DOCK3: variants seen among roughly 807,000 people sequenced by gnomAD.
The protein encoded by DOCK3 is dedicator of cytokinesis protein 3.
DOCK3 carries 60 observed loss-of-function variants against 265.6 expected under a neutral mutation model. The observed-to-expected ratio is 0.23, with a 90% CI of 0.18 to 0.28. The LOEUF (loss-of-function observed/expected upper bound fraction) is 0.28, where lower values mean the gene tolerates loss of function less well. Ranked by LOEUF, DOCK3 falls within the 10% of genes least tolerant of loss-of-function variation. The pLI is 1.00. For missense variants in DOCK3, 1,981 were observed against 2,594.3 expected (o/e 0.76, Z 5.14); for synonymous variants, 881 against 938.0 (o/e 0.94, Z 1.11).
At chr3:51,193,801 CTTTTT>C (rs36051516) in intron 12 of DOCK3, among the ~76,000 whole-genome samples, 1 of 126,678 alleles carries the variant, frequency 7.9e-6, no homozygotes, top group Admixed American at 8.0e-5. Context: ...GGGCTTCTCT[CTTTTT>C]TTTTTTTTTT....
intron 14 of DOCK3, among the ~76,000 whole-genome samples, chr3:51,215,638 T>C (rs1283865008): frequency 1.3e-5 from 2 of 152,220 alleles, no homozygotes; most frequent in Non-Finnish European, 2.9e-5. Context: ...AAGGCCTATG[T>C]GGTGGGTTCC....
intron 13 of DOCK3, among the ~76,000 whole-genome samples, chr3:51,213,002 C>T (rs559775486): frequency 6.6e-6 from 1 of 152,152 alleles, no homozygotes; most frequent in East Asian, 1.9e-4. Context: ...TACTGACATA[C>T]TTTTCTTGCC....
chr3:51,098,861 T>C (rs1576069332), intron 9 of DOCK3, among the ~76,000 whole-genome samples: 2 of 152,336 alleles, frequency 1.3e-5, no homozygotes, highest in Middle Eastern at 6.8e-3. Context: ...TTTTCTACCC[T>C]GCTCTCTGGT....
At chr3:51,144,446 C>A (rs534504561) in intron 9 of DOCK3, among the ~76,000 whole-genome samples, 1 of 152,280 alleles carries the variant, frequency 6.6e-6, no homozygotes, top group South Asian at 2.1e-4. Context: ...CTTCACTTGA[C>A]CAGTGCAACA....
At chr3:50,933,668 T>G (rs1418416441) in intron 4 of DOCK3, among the ~76,000 whole-genome samples, 1 of 152,094 alleles carries the variant, frequency 6.6e-6, no homozygotes. Flanking sequence ...CGAGCAAGAC[T>G]TGGGTAGTAT....
At chr3:51,109,073 T>C (rs1427703810) in intron 9 of DOCK3, among the ~76,000 whole-genome samples, 2 of 152,096 alleles carry the variant, frequency 1.3e-5, no homozygotes, top group East Asian at 3.9e-4. Context: ...CAACAGAATA[T>C]ACATTCTTAT....
chr3:51,313,036 C>A, intron 31 of DOCK3, 134 bp downstream of exon 31: 1 of 801,704 alleles, frequency 1.2e-6, no homozygotes, highest in Non-Finnish European at 2.0e-6. Flanking sequence ...TTTCACATAA[C>A]ACCTCAGATG....
intron 24 of DOCK3, among the ~76,000 whole-genome samples, chr3:51,271,484 C>A (rs1469282324): frequency 6.6e-6 from 1 of 152,110 alleles, no homozygotes. Context: ...GGTCGCTAAT[C>A]TTGTTCATGA....
chr3:51,303,610 G>A (rs2082478175), intron 27 of DOCK3, among the ~76,000 whole-genome samples: 4 of 152,110 alleles, frequency 2.6e-5, no homozygotes, highest in Admixed American at 2.6e-4. Flanking sequence ...GGACTTTTTT[G>A]TTGATGCTGT....
intron 23 of DOCK3, among the ~76,000 whole-genome samples, chr3:51,267,042 A>G (rs2080215761): frequency 6.6e-6 from 1 of 152,234 alleles, no homozygotes; most frequent in Admixed American, 6.5e-5. Context: ...GAAGACATTT[A>G]TGCAGCCAAC....
rs1011117717 is a variant in DOCK3 at position 51,374,678 on chromosome 3, T to C, written c.5412+91T>C. The C allele has an allele frequency of 5.7e-6, 7 of 1,218,824 alleles. No individual in the cohort carries two copies. The highest frequency in any genetic ancestry group is 8.2e-6 in the Non-Finnish European group (7 of 852,060). The allele number at this position is 1,218,824 out of a possible 1,614,324, so 75.5% of individuals were successfully genotyped here. The stretch of plus-strand genomic sequence containing the variant: ...ATTTGCGGGGCCTTCTGCATTGTCC[T>C]ACATGGCTCTCTCATTCCGCTGTAA... On this transcript the variant is annotated intron_variant, in intron 50 of 52. Transcript: ENST00000266037. The surrounding 1 kb of genome is among the most constrained non-coding windows in gnomAD (Gnocchi z 4.8).
intron 5 of DOCK3, among the ~76,000 whole-genome samples, chr3:50,984,006 T>C (rs1427899749): frequency 1.3e-5 from 2 of 152,166 alleles, no homozygotes; most frequent in East Asian, 3.9e-4. Context: ...CACAGCCTCA[T>C]GGAGAGCCGG....
chr3:50,831,061 G>A (rs568319167), intron 2 of DOCK3, among the ~76,000 whole-genome samples: 1 of 152,042 alleles, frequency 6.6e-6, no homozygotes, highest in Admixed American at 6.5e-5. Flanking sequence ...GCACTGGTGG[G>A]CATGTCTTTT....
intron 3 of DOCK3, chr3:50,877,689 T>C (rs2047780533): frequency 1.1e-5 from 4 of 363,266 alleles, no homozygotes; most frequent in Non-Finnish European, 2.1e-5. Context: ...TCTTTTTCTT[T>C]TTTATGTTGG....
At chr3:51,204,986 A>T (rs997059993) in intron 12 of DOCK3, among the ~76,000 whole-genome samples, 10 of 150,812 alleles carry the variant, frequency 6.6e-5, no homozygotes, top group Non-Finnish European at 1.5e-4. Flanking sequence ...TGGACACAGG[A>T]CGGGGAACAT....
intron 22 of DOCK3, among the ~76,000 whole-genome samples, chr3:51,259,334 A>T (rs1268202044): frequency 6.6e-6 from 1 of 152,162 alleles, no homozygotes; most frequent in Non-Finnish European, 1.5e-5. Flanking sequence ...TGTTTGTTTC[A>T]GCCTTGCATA....
At chr3:51,010,574 A>G (rs766969285) in intron 5 of DOCK3, among the ~76,000 whole-genome samples, 60 of 152,158 alleles carry the variant, frequency 3.9e-4, no homozygotes, top group Middle Eastern at 3.4e-3. Flanking sequence ...TCTTTATCCA[A>G]GTTGCCAGTC....
chr3:50,761,839 C>T (rs1262032682), intron 1 of DOCK3, among the ~76,000 whole-genome samples: 1 of 152,130 alleles, frequency 6.6e-6, no homozygotes, highest in Non-Finnish European at 1.5e-5. Context: ...TTCACAATAG[C>T]AAAGACTTGG....
At chr3:51,290,666 C>A (rs1193725047) in intron 27 of DOCK3, among the ~76,000 whole-genome samples, 2 of 151,980 alleles carry the variant, frequency 1.3e-5, no homozygotes, top group African/African-American at 4.8e-5. Flanking sequence ...CATATGTACC[C>A]TAGAACTTAA....
Sources: gnomAD v4.1 joint callset for allele counts (sites outside exome capture counted in the v4.1 genomes callset) on GRCh38, gnomAD v4.1.1 for gene constraint, Gnocchi (gnomAD v3.1) non-coding constraint, MANE v1.5 for transcripts, NCBI Gene and HGNC (gene_info 2026-07-23, HGNC 2026-07-21) for gene names.